Variants in ADAMTSL3 observed in about 807,000 individuals in gnomAD.
ADAMTSL3 encodes the protein ADAMTS-like protein 3.
A neutral mutation model predicts 201.7 loss-of-function variants in ADAMTSL3; 128 were observed. That is an observed-to-expected ratio of 0.63 (90% CI 0.55 to 0.73). The LOEUF (loss-of-function observed/expected upper bound fraction) is 0.73. Ranked by LOEUF, ADAMTSL3 falls within the 30% of genes least tolerant of loss-of-function variation. The pLI, the probability that ADAMTSL3 is intolerant of heterozygous loss-of-function variation, is 0.00. For synonymous variants in ADAMTSL3, 738 were observed against 748.4 expected (o/e 0.99, Z 0.23); for missense variants, 1,990 against 2,119.6 (o/e 0.94, Z 1.20).
intron 17 of ADAMTSL3, among the ~76,000 whole-genome samples, chr15:83,927,343 A>C (rs2066268006): frequency 6.6e-6 from 1 of 151,830 alleles, no homozygotes; most frequent in Non-Finnish European, 1.5e-5. Context: ...TCTCAAACTG[A>C]CCTCGAGTGA....
chr15:84,001,145 AC>A (rs2067785431), intron 23 of ADAMTSL3, among the ~76,000 whole-genome samples: 1 of 152,220 alleles, frequency 6.6e-6, no homozygotes, highest in South Asian at 2.1e-4. Flanking sequence ...AGCTGACGTT[AC>A]ATGTATCTGA....
intron 2 of ADAMTSL3, among the ~76,000 whole-genome samples, chr15:83,656,843 A>G (rs191607851): frequency 3.3e-5 from 5 of 152,358 alleles, no homozygotes; most frequent in African/African-American, 1.2e-4. Context: ...CCATGAATGA[A>G]GATATATACC....
intron 5 of ADAMTSL3, among the ~76,000 whole-genome samples, chr15:83,815,642 A>C (rs546336234): frequency 1.3e-5 from 2 of 152,342 alleles, no homozygotes; most frequent in East Asian, 1.9e-4. Context: ...AGATTAGGCA[A>C]GTTTAGCGTT....
intron 3 of ADAMTSL3, among the ~76,000 whole-genome samples, chr15:83,721,912 T>C (rs1195050465): frequency 6.6e-6 from 1 of 152,084 alleles, no homozygotes; most frequent in East Asian, 1.9e-4. Flanking sequence ...TTTTTATTTT[T>C]AGTAGAGATG....
At chr15:83,750,420 T>G (rs1374170526) in intron 3 of ADAMTSL3, among the ~76,000 whole-genome samples, 3 of 152,224 alleles carry the variant, frequency 2.0e-5, no homozygotes, top group East Asian at 3.8e-4. Context: ...TTTTGCATCA[T>G]AGCTTGGTGT....
At chr15:84,027,704 T>C (rs1420252526) in intron 27 of ADAMTSL3, among the ~76,000 whole-genome samples, 1 of 151,688 alleles carries the variant, frequency 6.6e-6, no homozygotes, top group African/African-American at 2.4e-5. Context: ...AGCGAGACTC[T>C]GTCTCAAAAA....
intron 17 of ADAMTSL3, among the ~76,000 whole-genome samples, chr15:83,929,680 C>CCACA (rs147998074): frequency 0.13 from 19,052 of 147,388 alleles, 1,683 homozygotes; most frequent in South Asian, 0.34. Context: ...GTCACCTCTA[C>CCACA]CACACACACA....
At chr15:84,025,602 CATA>C in intron 27 of ADAMTSL3, 166 bp downstream of exon 27, 4 of 673,166 alleles carry the variant, frequency 5.9e-6, no homozygotes. Context: ...ATTTAGAAAT[CATA>C]GTATCTCTGT....
intron 3 of ADAMTSL3, among the ~76,000 whole-genome samples, chr15:83,707,087 TA>T (rs2061863674): frequency 6.6e-6 from 1 of 152,180 alleles, no homozygotes; most frequent in Non-Finnish European, 1.5e-5. Context: ...GACAAAACAT[TA>T]AGATCAATTA....
chr15:83,683,284 A>C (rs2061497527), intron 2 of ADAMTSL3, among the ~76,000 whole-genome samples: 1 of 151,920 alleles, frequency 6.6e-6, no homozygotes, highest in South Asian at 2.1e-4. Context: ...AGTCAAACTG[A>C]ACTTGCACTG....
chr15:83,753,634 T>G (rs957010687), intron 3 of ADAMTSL3, among the ~76,000 whole-genome samples: 1 of 152,156 alleles, frequency 6.6e-6, no homozygotes, highest in Non-Finnish European at 1.5e-5. Flanking sequence ...TTTGAAAACT[T>G]GATATCATTA....
intron 13 of ADAMTSL3, 86 bp from the exon 14 acceptor site, chr15:83,897,772 C>T: frequency 7.0e-7 from 1 of 1,425,844 alleles, no homozygotes; most frequent in South Asian, 1.6e-5. Context: ...TTATGTAGTT[C>T]AATGGCTCTC....
intron 14 of ADAMTSL3, 113 bp downstream of exon 14, chr15:83,898,118 GA>G: frequency 1.6e-6 from 2 of 1,254,310 alleles, no homozygotes; most frequent in Non-Finnish European, 2.2e-6. Context: ...TTGTTTTATT[GA>G]CAGATTGCAA....
Position 83,943,094 on chromosome 15 carries a change from G to C in ADAMTSL3, c.2490+12G>C, listed in dbSNP as rs775815593. 6.3e-7 allele frequency: 1 copy of C among 1,595,118 alleles called. No homozygotes were observed. Among genetic ancestry groups the C allele is most frequent in the Non-Finnish European group, 8.5e-7 (1 of 1,173,000 alleles). ...GAGACTGGTCGAAGGTAAGGGCCAG[G>C]CTCAACTTTATAGTCCCTTCTTTTC... On this transcript the variant is annotated intron_variant, in intron 19 of 29. Coordinates refer to ENST00000286744, the MANE Select transcript of ADAMTSL3 (RefSeq NM_207517.3).
chr15:83,764,396 C>T (rs980769388), intron 3 of ADAMTSL3, among the ~76,000 whole-genome samples: 7 of 152,106 alleles, frequency 4.6e-5, no homozygotes, highest in Non-Finnish European at 7.3e-5. Context: ...CCCTGCCCCG[C>T]GCTCCACCCA....
At chr15:84,017,461 G>T (rs951416491) in intron 25 of ADAMTSL3, among the ~76,000 whole-genome samples, 1 of 152,142 alleles carries the variant, frequency 6.6e-6, no homozygotes. Flanking sequence ...CGTTATATAG[G>T]AACAATAATG....
At chr15:83,753,341 C>A (rs2062669104) in intron 3 of ADAMTSL3, among the ~76,000 whole-genome samples, 1 of 152,162 alleles carries the variant, frequency 6.6e-6, no homozygotes, top group Non-Finnish European at 1.5e-5. Context: ...TCTCTTTTCA[C>A]CTAGGGCAGC....
At position 84,022,307 on chromosome 15, in the gene ADAMTSL3, G is replaced by C. The variant is rs554810191; in HGVS notation, c.4457+714G>C. Among the ~76,000 whole-genome samples the C allele has an allele frequency of 3.9e-5, 6 of 152,164 alleles. No individual in the cohort carries two copies. The East Asian group carries it at 1.2e-3, about 29-fold the overall frequency. ...CTGGAGTACTTTGTCCACTCTCTAA[G>C]AATAAAGATATTTGAAACAAATTCA... On this transcript the variant is annotated intron_variant, in intron 26 of 29. Transcript: ENST00000286744.
intron 25 of ADAMTSL3, 111 bp downstream of exon 25, chr15:84,016,610 C>T: frequency 1.1e-6 from 1 of 915,088 alleles, no homozygotes; most frequent in Admixed American, 2.6e-5. Flanking sequence ...AAAATTATTT[C>T]TAGGCATTTG....
Sources: gnomAD v4.1 joint callset for allele counts (sites outside exome capture counted in the v4.1 genomes callset) on GRCh38, gnomAD v4.1.1 for gene constraint, MANE v1.5 for transcripts, NCBI Gene and HGNC (gene_info 2026-07-23, HGNC 2026-07-21) for gene names.